PIR: variants seen among roughly 807,000 people sequenced by gnomAD.
PIR encodes the protein pirin.
Under a neutral mutation model 24.2 loss-of-function variants are expected in PIR, and 22 were observed. The ratio of observed to expected loss-of-function variants is 0.91; its 90% CI spans 0.65 to 1.30. PIR has a LOEUF of 1.30. PIR is among the 50% of genes most tolerant of loss of function. PIR has a pLI of 0.00. For missense variants in PIR, 220 were observed against 220.3 expected, an observed-to-expected ratio of 1.00 and a Z score of 0.01; for synonymous variants, 80 against 79.6, an observed-to-expected ratio of 1.00 and a Z score of -0.03.
At position 15,390,251 on chromosome X, in the gene PIR, C is replaced by T. The variant is rs75378219; in HGVS notation, c.694G>A (p.Asp232Asn). Residue 232 changes from aspartate (D) to asparagine (N), a missense_variant and splice_region_variant, in exon 9 of 10, where the codon GAT becomes AAT. Coordinates refer to ENST00000380420, the MANE Select transcript of PIR (RefSeq NM_001018109.3). ...AAGACAAAGTGGCTTCTCTTGGGATCCTAAAGTTAACAAAGAAAACATCAA... is the reference window on the plus strand; with the variant it reads ...AAGACAAAGTGGCTTCTCTTGGGATTCTAAAGTTAACAAAGAAAACATCAA... ...EGDSVQVENK[D>N]PKRSHFVLIA... is the part of the protein sequence containing the mutation. 1.6e-3 allele frequency: 1,809 copies of T among 1,099,752 alleles called. 15 individuals are homozygous for T. The African/African-American group carries it at 0.027, about 16-fold the overall frequency. 90.6% of individuals were successfully genotyped at this position (1,099,752 alleles called of 1,213,427 possible). A position where few individuals can be genotyped will look rare whatever the true frequency, so the allele number is the denominator to read the frequency against.
chrX:15,479,890 G>T, intron 2 of PIR, 69 bp from the exon 3 acceptor site: 3 of 537,309 alleles, frequency 5.6e-6, no homozygotes, highest in Non-Finnish European at 9.1e-6. Flanking sequence ...CTACATTTAT[G>T]AACAGATCTA....
At chrX:15,400,438 T>C (rs912518358) in intron 7 of PIR, among the ~76,000 whole-genome samples, 3 of 111,892 alleles carry the variant, frequency 2.7e-5, no homozygotes, top group African/African-American at 9.7e-5. Flanking sequence ...TCGTGATACA[T>C]ATACCAAAAC....
In PIR at chrX:15,436,006, A is replaced by T. The variant is rs1298439421; in HGVS notation, c.481-10016T>A. Among the ~76,000 whole-genome samples the T allele has an allele frequency of 4.4e-5, 5 of 112,451 alleles. 1 individual carries two copies. The Admixed American group carries it at 4.7e-4, about 11-fold the overall frequency. On this transcript the variant is annotated intron_variant, in intron 5 of 9. Transcript: ENST00000380420. ...CAGTGCCAAAGGTATCGTGGGAAGG[A>T]TTAAAACTCTGTAATCATATTTTGA... is the stretch of plus-strand genomic sequence containing the variant.
At chrX:15,459,558 G>C in intron 4 of PIR, 99 bp downstream of exon 4, 1 of 518,683 alleles carries the variant, frequency 1.9e-6, no homozygotes, top group Admixed American at 2.5e-5. Flanking sequence ...ATATAATAGA[G>C]AGAGTGTGGA....
intron 3 of PIR, among the ~76,000 whole-genome samples, chrX:15,467,656 C>T (rs911516593): frequency 4.5e-5 from 5 of 111,863 alleles, no homozygotes; most frequent in Non-Finnish European, 9.4e-5. Flanking sequence ...AAGAGTTCTA[C>T]CTACCATCTA....
At chrX:15,443,501 CAATT>C (rs1471821116) in intron 5 of PIR, among the ~76,000 whole-genome samples, 1 of 111,201 alleles carries the variant, frequency 9.0e-6, no homozygotes, top group Non-Finnish European at 1.9e-5. Context: ...TTCATATTAA[CAATT>C]AATATTCAAT....
At chrX:15,465,516 TGTGA>T (rs1178177715) in intron 3 of PIR, among the ~76,000 whole-genome samples, 13 of 112,071 alleles carry the variant, frequency 1.2e-4, no homozygotes, top group African/African-American at 4.2e-4. Context: ...GCTGACGAAT[TGTGA>T]GTGTTATGTT....
intron 4 of PIR, among the ~76,000 whole-genome samples, chrX:15,458,080 CA>C (rs1348527023): frequency 8.9e-6 from 1 of 112,508 alleles, no homozygotes; most frequent in Admixed American, 9.4e-5. Flanking sequence ...TGGTGTCCCT[CA>C]AAGACATCCT....
intron 6 of PIR, among the ~76,000 whole-genome samples, chrX:15,416,619 C>T (rs1343346614): frequency 8.9e-6 from 1 of 111,946 alleles, no homozygotes. Context: ...TTCCCTCTCT[C>T]TGAGTATGGG....
chrX:15,387,552 A>C (rs1465931565), intron 9 of PIR, among the ~76,000 whole-genome samples: 2 of 111,654 alleles, frequency 1.8e-5, no homozygotes, highest in East Asian at 5.6e-4. Flanking sequence ...GGAAAGAAAA[A>C]GAGAGTTAAC....
chrX:15,433,223 CA>C lies in PIR; in HGVS notation c.481-7234del, dbSNP rs757299805. ...AAATAAGCTCACTTAGGCAGATGCT[CA>C]ATGAAAGAGAAGACTCAGGACTGAG... On this transcript the variant is annotated intron_variant, in intron 5 of 9. Transcript: ENST00000380420. Among the ~76,000 whole-genome samples the C allele has an allele frequency of 3.4e-3, 379 of 110,929 alleles. 2 individuals are homozygous for C. The highest frequency in any genetic ancestry group is 5.9e-3 in the Non-Finnish European group (314 of 52,983).
intron 5 of PIR, among the ~76,000 whole-genome samples, chrX:15,435,657 G>A (rs147123057): frequency 9.4e-4 from 105 of 111,562 alleles, no homozygotes; most frequent in Non-Finnish European, 1.8e-3. Flanking sequence ...GATCTGTTGG[G>A]CTTTGCACTG....
intron 6 of PIR, among the ~76,000 whole-genome samples, chrX:15,416,546 A>G (rs1924923593): frequency 8.9e-6 from 1 of 112,008 alleles, no homozygotes; most frequent in African/African-American, 3.2e-5. Context: ...AACCAAGATC[A>G]TAAGTGTGGA....
intron 6 of PIR, among the ~76,000 whole-genome samples, chrX:15,419,696 G>C (rs1480034877): frequency 9.1e-6 from 1 of 110,184 alleles, no homozygotes; most frequent in East Asian, 2.8e-4. Flanking sequence ...AGGAGTTTGA[G>C]ACCAGCCTGG....
intron 6 of PIR, among the ~76,000 whole-genome samples, chrX:15,409,518 C>T (rs748383725): frequency 9.0e-6 from 1 of 111,187 alleles, no homozygotes; most frequent in African/African-American, 3.3e-5. Flanking sequence ...AAATTGTGCA[C>T]CTTTGGCGGG....
At position 15,426,235 on chromosome X, in the gene PIR, C is replaced by T. The variant is rs964761355; in HGVS notation, c.481-245G>A. Reference sequence around the variant, plus strand: ...TTTCAGGATGACAGCTGTCTCCCTACAGCCAGTTCTCAAATATAGTCCAAT... The same window carrying T: ...TTTCAGGATGACAGCTGTCTCCCTATAGCCAGTTCTCAAATATAGTCCAAT... On this transcript the variant is annotated intron_variant, in intron 5 of 9. Coordinates refer to ENST00000380420, the MANE Select transcript of PIR (RefSeq NM_001018109.3). Among the ~76,000 whole-genome samples, 4 of 111,393 alleles carry T rather than the reference C, an allele frequency of 3.6e-5. No homozygotes were observed. The East Asian group carries it at 8.4e-4, about 23-fold the overall frequency.
chrX:15,433,030 C>T (rs1354589381), intron 5 of PIR, among the ~76,000 whole-genome samples: 4 of 112,389 alleles, frequency 3.6e-5, no homozygotes, highest in Non-Finnish European at 7.5e-5. Flanking sequence ...GAGAACAAGA[C>T]TTCAACTTTT....
intron 7 of PIR, among the ~76,000 whole-genome samples, chrX:15,406,930 C>T (rs1924565956): frequency 8.9e-6 from 1 of 112,124 alleles, no homozygotes; most frequent in African/African-American, 3.2e-5. Flanking sequence ...GATTCTGGTC[C>T]CACATCCACC....
chrX:15,459,613 CA>C, intron 4 of PIR, 43 bp downstream of exon 4: 3 of 868,836 alleles, frequency 3.5e-6, no homozygotes, highest in Non-Finnish European at 3.4e-6. Context: ...CACGTGCACC[CA>C]AAAACTACTA....
Sources: gnomAD v4.1 joint callset for allele counts (sites outside exome capture counted in the v4.1 genomes callset) on GRCh38, gnomAD v4.1.1 for gene constraint, MANE v1.5 for transcripts, NCBI Gene and HGNC (gene_info 2026-07-23, HGNC 2026-07-21) for gene names.